Variants in DDX50 observed in about 807,000 individuals in gnomAD.
DDX50 encodes the protein ATP-dependent RNA helicase DDX50.
In DDX50, 56 loss-of-function variants were observed where a neutral mutation model predicts 94.8. That is an observed-to-expected ratio of 0.59 (90% CI 0.48 to 0.74). The LOEUF (loss-of-function observed/expected upper bound fraction) is 0.74. Among genes scored for constraint, DDX50 ranks in the 30% least tolerant of loss-of-function variants. The probability of loss-of-function intolerance (pLI) is 0.00; values close to 1 mark genes in which losing one functional copy is unlikely to be tolerated. For missense variants in DDX50, 713 were observed against 881.2 expected (o/e 0.81, Z 2.42); for synonymous variants, 264 against 295.4 (o/e 0.89, Z 1.09).
At chr10:68,919,012 T>G (rs1449318927) in intron 7 of DDX50, among the ~76,000 whole-genome samples, 1 of 152,206 alleles carries the variant, frequency 6.6e-6, no homozygotes, top group Admixed American at 6.5e-5. Flanking sequence ...TTGCCTACAG[T>G]GTTCAGTACA....
In DDX50 at chr10:68,914,749, T is replaced by C. The variant is rs377136835; in HGVS notation, c.1089+545T>C. Among the ~76,000 whole-genome samples the C allele has an allele frequency of 2.1e-4, 32 of 152,330 alleles. No homozygotes were observed. The East Asian group carries it at 5.8e-3, about 28-fold the overall frequency. ...TCTAACATAGAAGTTGGGCTGAGCATGGTGGCTCACGCCTGTAATCCCAGC... is the reference window on the plus strand; with the variant it reads ...TCTAACATAGAAGTTGGGCTGAGCACGGTGGCTCACGCCTGTAATCCCAGC... On this transcript the variant is annotated intron_variant, in intron 7 of 14. Coordinates refer to ENST00000373585, the MANE Select transcript of DDX50 (RefSeq NM_024045.2).
intron 8 of DDX50, among the ~76,000 whole-genome samples, chr10:68,929,344 CTTCCTTCT>C (rs1260119340): frequency 4.8e-5 from 7 of 144,812 alleles, no homozygotes; most frequent in South Asian, 4.4e-4. Flanking sequence ...TCCTTCCTTC[CTTCCTTCT>C]TTCCTTCTTT....
intron 2 of DDX50, 105 bp from the exon 3 acceptor site, chr10:68,910,202 G>T (rs1841584859): frequency 4.5e-5 from 39 of 864,476 alleles, no homozygotes; most frequent in Middle Eastern, 2.5e-4. Flanking sequence ...AAAAAAAAAA[G>T]TGTTCCACTA....
intron 8 of DDX50, among the ~76,000 whole-genome samples, chr10:68,920,959 AAAAAAG>A (rs1380914101): frequency 5.4e-5 from 5 of 92,386 alleles, no homozygotes; most frequent in African/African-American, 1.4e-4. Context: ...AAAAAAAAAA[AAAAAAG>A]AAAGGGAAAA....
At chr10:68,912,585 G>T (rs1841660360) in intron 4 of DDX50, among the ~76,000 whole-genome samples, 2 of 152,294 alleles carry the variant, frequency 1.3e-5, no homozygotes, top group South Asian at 4.1e-4. Context: ...ATTTCTAGGT[G>T]TTTGATTTTG....
intron 8 of DDX50, among the ~76,000 whole-genome samples, chr10:68,922,761 C>T (rs1841974093): frequency 6.6e-6 from 1 of 151,076 alleles, no homozygotes; most frequent in South Asian, 2.1e-4. Flanking sequence ...ATGCTGTACT[C>T]TATCTTGGGT....
At chr10:68,924,189 C>T (rs963387999) in intron 8 of DDX50, among the ~76,000 whole-genome samples, 17 of 151,920 alleles carry the variant, frequency 1.1e-4, no homozygotes, top group African/African-American at 4.1e-4. Context: ...GCAGGCTGGT[C>T]TAGAACTCCT....
At chr10:68,931,392 A>AT (rs1554836673) in intron 8 of DDX50, among the ~76,000 whole-genome samples, 2,016 of 85,656 alleles carry the variant, frequency 0.024, 44 homozygotes, top group South Asian at 0.041. Context: ...TAAAAAAAAA[A>AT]ATATATATAT....
In DDX50 at chr10:68,934,929, T is replaced by G; in HGVS notation, c.1521+11T>G. 6.2e-7 allele frequency: 1 copy of G among 1,608,316 alleles called. No individual in the cohort carries two copies. Among genetic ancestry groups the G allele is most frequent in the Non-Finnish European group, 8.5e-7 (1 of 1,177,678 alleles). Reference sequence around the variant, plus strand: ...GTGGAACAAAAAGCAGTAAGTAGAGTTAAATTATTTCAGGCTTATTGTCTA... The same window carrying G: ...GTGGAACAAAAAGCAGTAAGTAGAGGTAAATTATTTCAGGCTTATTGTCTA... On this transcript the variant is annotated intron_variant, in intron 10 of 14. Coordinates refer to ENST00000373585, the MANE Select transcript of DDX50 (RefSeq NM_024045.2). The surrounding 1 kb of genome is among the most constrained non-coding windows in gnomAD (Gnocchi z 4.0).
intron 14 of DDX50, among the ~76,000 whole-genome samples, chr10:68,945,618 T>C (rs1394671511): frequency 3.3e-5 from 5 of 152,200 alleles, no homozygotes; most frequent in Admixed American, 1.3e-4. Flanking sequence ...ATAACAACTT[T>C]CCTTGCCAAC....
intron 13 of DDX50, 47 bp from the exon 14 acceptor site, chr10:68,943,166 A>G: frequency 6.3e-7 from 1 of 1,575,838 alleles, no homozygotes; most frequent in Middle Eastern, 1.7e-4. Flanking sequence ...AAAAAAATCT[A>G]CACATATGCA....
At chr10:68,940,772 C>T (rs1004605525) in intron 12 of DDX50, among the ~76,000 whole-genome samples, 2 of 152,130 alleles carry the variant, frequency 1.3e-5, no homozygotes, top group East Asian at 3.9e-4. Context: ...TAATTCTTCA[C>T]TACCTTGTTG....
At chr10:68,921,805 AC>A (rs1441011963) in intron 8 of DDX50, among the ~76,000 whole-genome samples, 1 of 152,144 alleles carries the variant, frequency 6.6e-6, no homozygotes, top group Non-Finnish European at 1.5e-5. Context: ...TAAATATGTT[AC>A]TTTACTGTTT....
intron 7 of DDX50, among the ~76,000 whole-genome samples, chr10:68,918,226 T>G (rs184326191): frequency 1.4e-3 from 207 of 151,740 alleles, no homozygotes; most frequent in Admixed American, 4.5e-3. Flanking sequence ...GCCCTGCCTA[T>G]ATATATCTTT....
intron 8 of DDX50, among the ~76,000 whole-genome samples, chr10:68,922,639 A>T (rs1325172315): frequency 6.6e-6 from 1 of 152,050 alleles, no homozygotes; most frequent in African/African-American, 2.4e-5. Context: ...CAAAAAATAA[A>T]AAAATTAGCC....
At chr10:68,931,533 C>T (rs751208585) in intron 8 of DDX50, among the ~76,000 whole-genome samples, 12 of 150,502 alleles carry the variant, frequency 8.0e-5, no homozygotes, top group East Asian at 2.0e-4. Flanking sequence ...CTCTGCCTCC[C>T]GGTTTCCAGT....
At chr10:68,920,504 A>G (rs1841912681) in intron 8 of DDX50, among the ~76,000 whole-genome samples, 1 of 152,046 alleles carries the variant, frequency 6.6e-6, no homozygotes, top group Admixed American at 6.6e-5. Flanking sequence ...AGACTTTGAA[A>G]ATGTGATCTG....
At chr10:68,919,700 C>A in intron 7 of DDX50, 132 bp from the exon 8 acceptor site, 1 of 1,029,220 alleles carries the variant, frequency 9.7e-7, no homozygotes, top group Non-Finnish European at 1.4e-6. Flanking sequence ...TTTTTAAGTG[C>A]TGTTGAGGAG....
chr10:68,935,433 T>G (rs1251420272), intron 10 of DDX50, among the ~76,000 whole-genome samples: 2 of 152,210 alleles, frequency 1.3e-5, no homozygotes, highest in African/African-American at 2.4e-5. Context: ...TTTGTTTTTT[T>G]TTCAAATCAG....
Sources: allele counts gnomAD v4.1 joint callset (sites outside exome capture counted in the v4.1 genomes callset), GRCh38; gene constraint gnomAD v4.1.1; non-coding constraint Gnocchi (gnomAD v3.1); transcripts MANE v1.5; gene names NCBI Gene and HGNC (gene_info 2026-07-23, HGNC 2026-07-21).